The following CHMP4B variants were observed in gnomAD, a reference collection of about 807,000 sequenced individuals.
CHMP4B encodes SNF7 homolog associated with Alix 1.
In CHMP4B, 1 loss-of-function variant was observed where a neutral mutation model predicts 25.1. The ratio of observed to expected loss-of-function variants is 0.04; its 90% CI spans 0.01 to 0.19. The LOEUF (loss-of-function observed/expected upper bound fraction) is 0.19, where lower values mean the gene tolerates loss of function less well. Ranked by LOEUF, CHMP4B falls within the 10% of genes least tolerant of loss-of-function variation. The pLI is 1.00. For synonymous variants in CHMP4B, 101 were observed against 115.6 expected (o/e 0.87, Z 0.81); for missense variants, 151 against 289.7 (o/e 0.52, Z 3.48).
chr20:33,839,662 G>A (rs1979481756), intron 1 of CHMP4B, among the ~76,000 whole-genome samples: 1 of 152,180 alleles, frequency 6.6e-6, no homozygotes, highest in African/African-American at 2.4e-5. Context: ...CTAACTTGTG[G>A]GGTCCATGGG....
In CHMP4B at chr20:33,830,815, C is replaced by T. The variant is rs540567867; in HGVS notation, c.191-17652C>T. 1.5e-4 allele frequency among the ~76,000 whole-genome samples: 22 copies of T among 151,668 alleles called. No homozygotes were observed. The East Asian group carries it at 1.9e-3, about 13-fold the overall frequency. The stretch of plus-strand genomic sequence containing the variant: ...TTTTCTGATTGACTACTTTAGGACC[C>T]GTGAGGTATTGTTTTTCTTGGTAGG... On this transcript the variant is annotated intron_variant, in intron 1 of 4. Transcript: ENST00000217402.
At chr20:33,841,969 C>T (rs1002579828) in intron 1 of CHMP4B, among the ~76,000 whole-genome samples, 1 of 152,146 alleles carries the variant, frequency 6.6e-6, no homozygotes, top group Admixed American at 6.5e-5. Flanking sequence ...AACCTGGGTA[C>T]TAGTCCTGGT....
At chr20:33,835,255 T>G (rs1979361502) in intron 1 of CHMP4B, among the ~76,000 whole-genome samples, 1 of 152,242 alleles carries the variant, frequency 6.6e-6, no homozygotes, top group Non-Finnish European at 1.5e-5. Context: ...TTGTCTGCTC[T>G]TAACATTTTA....
intron 1 of CHMP4B, among the ~76,000 whole-genome samples, chr20:33,820,190 A>G (rs7266774): frequency 0.035 from 5,323 of 152,124 alleles, 301 homozygotes; most frequent in African/African-American, 0.12. Flanking sequence ...AAAAAAAAGA[A>G]AAAGAAAAAA....
intron 1 of CHMP4B, among the ~76,000 whole-genome samples, chr20:33,843,162 T>G (rs868445075): frequency 1.3e-5 from 2 of 152,254 alleles, no homozygotes; most frequent in East Asian, 3.8e-4. Flanking sequence ...TTCCTCTAAA[T>G]AGCTGTTTGG....
intron 1 of CHMP4B, among the ~76,000 whole-genome samples, chr20:33,829,626 A>G (rs1979186503): frequency 6.6e-6 from 1 of 152,164 alleles, no homozygotes; most frequent in African/African-American, 2.4e-5. Flanking sequence ...TTTCCTGATC[A>G]TTTTCATGTA....
In CHMP4B at chr20:33,811,675, C is replaced by T. The variant is rs1269573104; in HGVS notation, c.190+17C>T. On this transcript the variant is annotated intron_variant, in intron 1 of 4. Transcript: ENST00000217402. ...ACAAGCGCGGTGAGGCTGCCCGGCCCCTTCAGACTTGCCACGGGCTCCCCC... is the reference window on the plus strand; with the variant it reads ...ACAAGCGCGGTGAGGCTGCCCGGCCTCTTCAGACTTGCCACGGGCTCCCCC... 1.9e-6 allele frequency: 3 copies of T among 1,611,102 alleles called. No homozygotes were observed. The highest frequency in any genetic ancestry group is 2.5e-6 in the Non-Finnish European group (3 of 1,179,046).
chr20:33,839,247 G>A (rs556701804), intron 1 of CHMP4B, among the ~76,000 whole-genome samples: 2 of 152,192 alleles, frequency 1.3e-5, no homozygotes, highest in Middle Eastern at 3.4e-3. Flanking sequence ...GTGAGAGGAC[G>A]GGGGCACCCA....
At chr20:33,816,175 T>C (rs573863041) in intron 1 of CHMP4B, among the ~76,000 whole-genome samples, 1 of 152,304 alleles carries the variant, frequency 6.6e-6, no homozygotes, top group Admixed American at 6.5e-5. Flanking sequence ...TCTTTAGTCA[T>C]ATATTCATTC....
rs935354876 is a variant in CHMP4B at position 33,853,704 on chromosome 20, C to T, written c.*144C>T. ...ACTCCAAAGCAGTAGGGCCGCGTTG[C>T]TGCTCACTCTCTGCATAGCATGGTC... On this transcript the variant is annotated 3_prime_UTR_variant, in exon 5 of 5. Transcript: ENST00000217402. 7 of 616,992 alleles carry T rather than the reference C, an allele frequency of 1.1e-5. No homozygotes were observed. In the African/African-American group the frequency reaches 1.4e-4, roughly 12 times the overall value. 38.2% of individuals were successfully genotyped at this position (616,992 alleles called of 1,614,324 possible).
chr20:33,829,861 T>C (rs2122794110), intron 1 of CHMP4B, among the ~76,000 whole-genome samples: 1 of 152,288 alleles, frequency 6.6e-6, no homozygotes, highest in South Asian at 2.1e-4. Flanking sequence ...TTGGTACATG[T>C]GTAGACAGAC....
At chr20:33,821,691 G>A (rs750244290) in intron 1 of CHMP4B, among the ~76,000 whole-genome samples, 29 of 152,138 alleles carry the variant, frequency 1.9e-4, no homozygotes, top group Non-Finnish European at 3.5e-4. Context: ...TGGAAGGTGA[G>A]GTGTAAAGAT....
intron 1 of CHMP4B, among the ~76,000 whole-genome samples, chr20:33,838,842 C>A (rs1979458550): frequency 6.6e-6 from 1 of 152,274 alleles, no homozygotes; most frequent in African/African-American, 2.4e-5. Flanking sequence ...GAAACCCCTT[C>A]TCTTCCTGAT....
chr20:33,849,780 A>G (rs1979796335), intron 2 of CHMP4B, among the ~76,000 whole-genome samples: 1 of 151,978 alleles, frequency 6.6e-6, no homozygotes, highest in South Asian at 2.1e-4. Context: ...ATAAAGTTTT[A>G]TTATTATTTG....
chr20:33,825,533 G>A (rs117160957), intron 1 of CHMP4B, among the ~76,000 whole-genome samples: 1 of 152,208 alleles, frequency 6.6e-6, no homozygotes, highest in Non-Finnish European at 1.5e-5. Flanking sequence ...CTGAAACCAT[G>A]AGCTGTCTTC....
At chr20:33,829,634 G>A (rs1979186585) in intron 1 of CHMP4B, among the ~76,000 whole-genome samples, 1 of 152,190 alleles carries the variant, frequency 6.6e-6, no homozygotes, top group African/African-American at 2.4e-5. Flanking sequence ...TCATTTTCAT[G>A]TATGAGAAAT....
chr20:33,846,021 T>A (rs777432966), intron 1 of CHMP4B, among the ~76,000 whole-genome samples: 4 of 152,112 alleles, frequency 2.6e-5, no homozygotes, highest in Non-Finnish European at 4.4e-5. Flanking sequence ...CTACTGAGGA[T>A]TTTTCAGCAA....
intron 1 of CHMP4B, among the ~76,000 whole-genome samples, chr20:33,829,834 C>T (rs1417489010): frequency 6.6e-6 from 1 of 152,080 alleles, no homozygotes; most frequent in Non-Finnish European, 1.5e-5. Flanking sequence ...GACATCTGAG[C>T]ATTATAGAAC....
intron 1 of CHMP4B, among the ~76,000 whole-genome samples, chr20:33,826,780 C>T (rs1979106364): frequency 6.6e-6 from 1 of 152,164 alleles, no homozygotes; most frequent in Non-Finnish European, 1.5e-5. Context: ...TCTCAGGTTG[C>T]ATGTCAAAGG....
Sources: allele counts gnomAD v4.1 joint callset (sites outside exome capture counted in the v4.1 genomes callset), GRCh38; gene constraint gnomAD v4.1.1; transcripts MANE v1.5; gene names NCBI Gene and HGNC (gene_info 2026-07-23, HGNC 2026-07-21).